MECOM: variants seen among roughly 807,000 people sequenced by gnomAD.
The protein encoded by MECOM is histone-lysine N-methyltransferase MECOM.
MECOM carries 13 observed loss-of-function variants against 116.3 expected under a neutral mutation model. That is an observed-to-expected ratio of 0.11 (90% confidence interval 0.07 to 0.18). MECOM has a LOEUF of 0.18. MECOM is among the 10% of genes least tolerant of loss of function. The probability of loss-of-function intolerance (pLI) is 1.00; values close to 1 mark genes in which losing one functional copy is unlikely to be tolerated. For missense variants in MECOM, 1,299 were observed against 1,509.0 expected (o/e 0.86, Z 2.31); for synonymous variants, 528 against 535.2 (o/e 0.99, Z 0.19).
intron 2 of MECOM, among the ~76,000 whole-genome samples, chr3:169,280,952 T>C (rs1246778704): frequency 1.3e-5 from 2 of 152,208 alleles, no homozygotes; most frequent in Admixed American, 6.5e-5. Flanking sequence ...GATTAACTCT[T>C]CGTGGTATTA....
At chr3:169,475,198 A>C (rs770515798) in intron 1 of MECOM, among the ~76,000 whole-genome samples, 1 of 152,216 alleles carries the variant, frequency 6.6e-6, no homozygotes, top group Non-Finnish European at 1.5e-5. Flanking sequence ...GAAAAAAGAC[A>C]ATTTGTGCTC....
chr3:169,295,620 C>G (rs546597048), intron 2 of MECOM, among the ~76,000 whole-genome samples: 33 of 152,254 alleles, frequency 2.2e-4, no homozygotes, highest in African/African-American at 7.0e-4. Context: ...TAGTAGCATT[C>G]TCTCAAATTC....
chr3:169,477,816 C>T (rs145946385), intron 1 of MECOM, among the ~76,000 whole-genome samples: 17 of 152,262 alleles, frequency 1.1e-4, no homozygotes, highest in East Asian at 5.8e-4. Flanking sequence ...AAGTGATACA[C>T]GGCTTCAATA....
chr3:169,485,148 C>A (rs1751960874), intron 1 of MECOM, among the ~76,000 whole-genome samples: 1 of 152,072 alleles, frequency 6.6e-6, no homozygotes, highest in South Asian at 2.1e-4. Context: ...GCATGCACCA[C>A]CACGTCTGGC....
In MECOM at chr3:169,279,976, C is replaced by T. The variant is rs530475204; in HGVS notation, c.375+101211G>A. Among the ~76,000 whole-genome samples the T allele has an allele frequency of 2.6e-5, 4 of 152,262 alleles. No homozygotes were observed. The South Asian group carries it at 8.3e-4, about 32-fold the overall frequency. On this transcript the variant is annotated intron_variant, in intron 2 of 16. Coordinates refer to ENST00000651503, the MANE Select transcript of MECOM (RefSeq NM_004991.4). The stretch of plus-strand genomic sequence containing the variant: ...TTTAAAAGCACCACCCTTTAAAGTT[C>T]TTTCATGGAGATCTCAGAAATGAAC...
At chr3:169,255,776 G>A (rs1756790463) in intron 2 of MECOM, among the ~76,000 whole-genome samples, 2 of 152,090 alleles carry the variant, frequency 1.3e-5, no homozygotes, top group African/African-American at 4.8e-5. Context: ...CAGCTGGAAA[G>A]GCCACTTCAA....
intron 1 of MECOM, among the ~76,000 whole-genome samples, chr3:169,582,749 A>G (rs959803777): frequency 6.6e-6 from 1 of 152,222 alleles, no homozygotes; most frequent in South Asian, 2.1e-4. Flanking sequence ...ATTACATTTG[A>G]CCAGCTGCGT....
chr3:169,477,043 T>C (rs904425584), intron 1 of MECOM: 2 of 143,172 alleles, frequency 1.4e-5, no homozygotes, highest in Non-Finnish European at 3.0e-5. Context: ...AACTCCTACA[T>C]GCGACATAAT....
intron 2 of MECOM, among the ~76,000 whole-genome samples, chr3:169,163,598 A>T (rs1743154884): frequency 6.6e-6 from 1 of 152,214 alleles, no homozygotes; most frequent in African/African-American, 2.4e-5. Context: ...GAACTCAATA[A>T]GATTGAGTAT....
In MECOM at chr3:169,116,129, G is replaced by A. The variant is rs1729082935; in HGVS notation, c.1743C>T (p.Asp581=). ...CACTTGGTGTACTGACATCATCAAG[G>A]TCACTACTCTCTGACTGGTCACTGA... ...EKISDQSESS[D]LDDVSTPSGS... Residue 581 remains aspartate, a synonymous_variant, in exon 8 of 17, where the codon GAC becomes GAT. Coordinates refer to ENST00000651503, the MANE Select transcript of MECOM (RefSeq NM_004991.4). 4.3e-6 allele frequency: 7 copies of A among 1,614,092 alleles called. No individual in the cohort carries two copies. Among genetic ancestry groups the A allele is most frequent in the Non-Finnish European group, 2.5e-6 (3 of 1,180,008 alleles).
chr3:169,594,170 A>AAAAAAAAAAACC (rs1553894632), intron 1 of MECOM, among the ~76,000 whole-genome samples: 2 of 119,352 alleles, frequency 1.7e-5, no homozygotes, highest in African/African-American at 7.8e-5. Context: ...AAAAAAAAAA[A>AAAAAAAAAAACC]AAAAAACACC....
At chr3:169,643,802 C>T (rs1773795936) in intron 1 of MECOM, among the ~76,000 whole-genome samples, 1 of 152,146 alleles carries the variant, frequency 6.6e-6, no homozygotes, top group African/African-American at 2.4e-5. Context: ...CACTCTATAG[C>T]AGAAACTATT....
chr3:169,262,253 A>G (rs1757668557), intron 2 of MECOM, among the ~76,000 whole-genome samples: 2 of 152,342 alleles, frequency 1.3e-5, no homozygotes, highest in East Asian at 3.9e-4. Context: ...ACACTGGCAC[A>G]TATTTTGGTA....
intron 1 of MECOM, among the ~76,000 whole-genome samples, chr3:169,633,773 G>T (rs1172802241): frequency 1.3e-5 from 2 of 152,018 alleles, no homozygotes; most frequent in African/African-American, 2.4e-5. Context: ...AGAGGCTAAG[G>T]TTGGGGGTCA....
chr3:169,615,566 C>T (rs932075228), intron 1 of MECOM, among the ~76,000 whole-genome samples: 1 of 152,210 alleles, frequency 6.6e-6, no homozygotes, highest in South Asian at 2.1e-4. Context: ...ACTCCTCACA[C>T]ACACACCTCC....
intron 1 of MECOM, among the ~76,000 whole-genome samples, chr3:169,421,094 G>A (rs569877353): frequency 6.6e-6 from 1 of 152,184 alleles, no homozygotes; most frequent in South Asian, 2.1e-4. Flanking sequence ...ACTGGAATGA[G>A]GTTCAGAGAA....
At chr3:169,466,883 T>G (rs143555394) in intron 1 of MECOM, among the ~76,000 whole-genome samples, 1 of 152,336 alleles carries the variant, frequency 6.6e-6, no homozygotes, top group East Asian at 1.9e-4. Context: ...CTTACTTAGG[T>G]GAACTAGTGG....
At position 169,494,868 on chromosome 3, in the gene MECOM, C is replaced by A. The variant is rs1233354840; in HGVS notation, c.38-113344G>T. The stretch of plus-strand genomic sequence containing the variant: ...CAGCCATGGTGCCATTCACCTTCAT[C>A]CTTATCATTAAAAATCAATAATGAT... On this transcript the variant is annotated intron_variant, in intron 1 of 16. Transcript: ENST00000651503. Among the ~76,000 whole-genome samples, 4 of 152,150 alleles carry A rather than the reference C, an allele frequency of 2.6e-5. No homozygotes were observed. In the East Asian group the frequency reaches 5.8e-4, roughly 22 times the overall value.
At chr3:169,130,466 C>G (rs542370425) in intron 4 of MECOM, among the ~76,000 whole-genome samples, 6 of 149,040 alleles carry the variant, frequency 4.0e-5, no homozygotes, top group African/African-American at 1.5e-4. Flanking sequence ...CCCGCCCCCG[C>G]CGCCAGCCCT....
Sources: gnomAD v4.1 joint callset for allele counts (sites outside exome capture counted in the v4.1 genomes callset) on GRCh38, gnomAD v4.1.1 for gene constraint, MANE v1.5 for transcripts, NCBI Gene and HGNC (gene_info 2026-07-23, HGNC 2026-07-21) for gene names.